The following LCP1 variants were observed in gnomAD, a reference collection of about 807,000 sequenced individuals.
The protein encoded by LCP1 is lymphocyte cytosolic protein 1, also known as plastin-2.
Under a neutral mutation model 72.0 loss-of-function variants are expected in LCP1, and 23 were observed. The observed-to-expected ratio is 0.32, with a 90% CI of 0.23 to 0.45. The LOEUF (loss-of-function observed/expected upper bound fraction) is 0.45, where lower values mean the gene tolerates loss of function less well. LCP1 is among the 20% of genes least tolerant of loss of function. The probability of loss-of-function intolerance (pLI) is 1.00; values close to 1 mark genes in which losing one functional copy is unlikely to be tolerated. For synonymous variants in LCP1, 245 were observed against 275.4 expected (o/e 0.89, Z 1.09); for missense variants, 571 against 748.3 (o/e 0.76, Z 2.76).
At chr13:46,174,191 T>C (rs1341741456) in intron 1 of LCP1, among the ~76,000 whole-genome samples, 3 of 152,244 alleles carry the variant, frequency 2.0e-5, no homozygotes, top group Non-Finnish European at 2.9e-5. Flanking sequence ...ATAGGCTTCT[T>C]GGATTTTAGA....
At chr13:46,161,457 AT>A (rs2138266452) in intron 1 of LCP1, among the ~76,000 whole-genome samples, 1 of 152,306 alleles carries the variant, frequency 6.6e-6, no homozygotes, top group African/African-American at 2.4e-5. Flanking sequence ...CGAGGGGTTA[AT>A]TGTATTAAAA....
At chr13:46,134,489 T>C (rs1434985579) in intron 13 of LCP1, among the ~76,000 whole-genome samples, 1 of 151,838 alleles carries the variant, frequency 6.6e-6, no homozygotes, top group East Asian at 1.9e-4. Flanking sequence ...CTAAGCATGA[T>C]CATTGCTCTG....
At chr13:46,179,247 A>C (rs571756695) in intron 1 of LCP1, among the ~76,000 whole-genome samples, 33 of 152,382 alleles carry the variant, frequency 2.2e-4, no homozygotes, top group Admixed American at 5.9e-4. Flanking sequence ...GGTAAAGCTG[A>C]AACATGGTAG....
Position 46,158,566 on chromosome 13 carries a change from C to T in LCP1, c.314G>A (p.Gly105Asp). The T allele has an allele frequency of 6.2e-7, 1 of 1,614,182 alleles. No homozygotes were observed. The highest frequency in any genetic ancestry group is 8.5e-7 in the Non-Finnish European group (1 of 1,180,014). ...GCCAACGCTAGACTGCTCTGAAGTA[C>T]CACCGATTGCACAAATCCCTTCCTT... is the stretch of plus-strand genomic sequence containing the variant. ...NKKEGICAIG[G>D]TSEQSSVGTQ... The change falls in exon 4 of 16, where the codon GGT (glycine) becomes GAT (aspartate). Residue 105 changes from glycine (G) to aspartate (D), a missense_variant. By Grantham distance (94) the Gly-to-Asp change is moderately conservative. Coordinates refer to ENST00000323076, the MANE Select transcript of LCP1 (RefSeq NM_002298.5).
At chr13:46,139,712 T>C (rs1164255220) in intron 13 of LCP1, among the ~76,000 whole-genome samples, 2 of 152,260 alleles carry the variant, frequency 1.3e-5, no homozygotes, top group Admixed American at 6.5e-5. Flanking sequence ...CCCAAGCTTA[T>C]GATTTTGTAC....
intron 12 of LCP1, 106 bp from the exon 13 acceptor site, chr13:46,142,531 C>T: frequency 1.6e-6 from 2 of 1,223,106 alleles, no homozygotes; most frequent in South Asian, 3.0e-5. Context: ...TATGGTAAGA[C>T]CGAATGACCT....
At chr13:46,178,546 A>G (rs1318742086) in intron 1 of LCP1, among the ~76,000 whole-genome samples, 2 of 152,204 alleles carry the variant, frequency 1.3e-5, no homozygotes, top group Admixed American at 1.3e-4. Context: ...CCTGTAGAAC[A>G]TTAACACTTT....
rs372830368 is a variant in LCP1, at chr13:46,142,300, T to A, written c.1494A>T (p.Leu498=). 8.1e-6 allele frequency: 13 copies of A among 1,613,574 alleles called. No homozygotes were observed. The highest frequency in any genetic ancestry group is 3.3e-4 in the Middle Eastern group (2 of 6,084). Reference sequence around the variant, plus strand: ...TCCATAAGCTATACTACCTTCTCATTAGCTGCCAAATCAAGGCCAGTGTGA... The same window carrying A: ...TCCATAAGCTATACTACCTTCTCATAAGCTGCCAAATCAAGGCCAGTGTGA... The part of the protein sequence containing the change: ...RTLTLALIWQ[L]MRRYTLNILE... Residue 498 remains leucine (L), a synonymous_variant, in exon 13 of 16, where the codon CTA becomes CTT. Transcript: ENST00000323076.
chr13:46,139,953 G>T (rs906223337), intron 13 of LCP1, among the ~76,000 whole-genome samples: 7 of 152,302 alleles, frequency 4.6e-5, no homozygotes, highest in South Asian at 2.1e-4. Context: ...AAACAATGTT[G>T]TTCAGACATC....
In LCP1 at chr13:46,151,125, GGGA is replaced by G. The variant is rs771130357; in HGVS notation, c.740-50_740-48del. On this transcript the variant is annotated intron_variant, in intron 7 of 15. Transcript: ENST00000323076. ...AGAAAAATAAATGCAGCGATGTTGG[GGGA>G]GGGGGGTTGGTTATAACTTTCATTA... 3.9e-5 allele frequency: 62 copies of G among 1,575,730 alleles called. No individual in the cohort carries two copies. The Admixed American group carries it at 1.1e-3, about 27-fold the overall frequency.
chr13:46,154,506 T>C (rs1219133300), intron 6 of LCP1, among the ~76,000 whole-genome samples: 1 of 152,232 alleles, frequency 6.6e-6, no homozygotes, highest in Non-Finnish European at 1.5e-5. Context: ...GCTGTTTATT[T>C]GGCATCAAAT....
Position 46,159,678 on chromosome 13 carries a change from G to A in LCP1, c.-16C>T, listed in dbSNP as rs2045825877. 6.2e-7 allele frequency: 1 copy of A among 1,604,528 alleles called. No individual in the cohort carries two copies. Among genetic ancestry groups the A allele is most frequent in the Non-Finnish European group, 8.5e-7 (1 of 1,171,382 alleles). ...CTCTGGCCATTTTTTATTGCTTTAG[G>A]TAACAGATCTGGAGAGAAGAAGAAC... is the stretch of plus-strand genomic sequence containing the variant. On this transcript the variant is annotated 5_prime_UTR_variant, in exon 2 of 16. Transcript: ENST00000323076.
rs2045743643 is a variant in LCP1, at chr13:46,148,414, C to A, written c.916G>T (p.Val306Leu). 1.2e-6 allele frequency: 2 copies of A among 1,612,744 alleles called. No homozygotes were observed. Among genetic ancestry groups the A allele is most frequent in the Non-Finnish European group, 1.7e-6 (2 of 1,179,770 alleles). ...SKAYYHLLEQ[V>L]APKGDEEGVP... The stretch of plus-strand genomic sequence containing the variant: ...CCTTCTTCATCTCCTTTTGGAGCCA[C>A]CTGCTCAAGCAGGTGGTAATAAGCT... The change falls in exon 9 of 16, where the codon GTG (valine) becomes TTG (leucine). Residue 306 changes from valine to leucine, a missense_variant. Coordinates refer to ENST00000323076, the MANE Select transcript of LCP1 (RefSeq NM_002298.5).
chr13:46,149,639 C>T (rs1459957770), intron 8 of LCP1, among the ~76,000 whole-genome samples: 2 of 152,180 alleles, frequency 1.3e-5, no homozygotes, highest in African/African-American at 4.8e-5. Flanking sequence ...GAGTCAGTTG[C>T]CATGCAGCGG....
chr13:46,176,902 T>TGTGTGA lies in LCP1; in HGVS notation c.-25+5208_-25+5209insTCACAC, dbSNP rs35450261. On this transcript the variant is annotated intron_variant, in intron 1 of 15. Coordinates refer to ENST00000323076, the MANE Select transcript of LCP1 (RefSeq NM_002298.5). ...GTGTGTGTGTGTGTGTGTGTGTGTGTGAGAGAGCGAGAGAGAGAGAGGGAG... is the reference window on the plus strand; with the variant it reads ...GTGTGTGTGTGTGTGTGTGTGTGTGTGTGTGAGAGAGAGCGAGAGAGAGAGAGGGAG... Among the ~76,000 whole-genome samples, 44 of 150,868 alleles carry TGTGTGA rather than the reference T, an allele frequency of 2.9e-4. 1 individual carries two copies. The highest frequency in any genetic ancestry group is 7.8e-4 in the East Asian group (4 of 5,102).
intron 15 of LCP1, among the ~76,000 whole-genome samples, 177 bp from the exon 16 acceptor site, chr13:46,127,900 A>G (rs1179787624): frequency 2.6e-5 from 4 of 152,164 alleles, no homozygotes; most frequent in Non-Finnish European, 5.9e-5. Flanking sequence ...TCAACCAAAG[A>G]TTCTGACAAA....
At chr13:46,154,550 A>C (rs1404688426) in intron 6 of LCP1, among the ~76,000 whole-genome samples, 1 of 152,216 alleles carries the variant, frequency 6.6e-6, no homozygotes, top group Non-Finnish European at 1.5e-5. Flanking sequence ...CTTGAGTTAA[A>C]ACTTTAGCCA....
At chr13:46,181,981 A>G (rs1394780887) in intron 1 of LCP1, 130 bp downstream of exon 1, 2 of 152,194 alleles carry the variant, frequency 1.3e-5, no homozygotes, top group Non-Finnish European at 2.9e-5. Context: ...CAGTGGCAGG[A>G]ATCACAGAGG....
chr13:46,173,599 A>G (rs1157736840), intron 1 of LCP1, among the ~76,000 whole-genome samples: 1 of 152,088 alleles, frequency 6.6e-6, no homozygotes, highest in Non-Finnish European at 1.5e-5. Context: ...TGTGTTGTAT[A>G]CTATGTGTTT....
Sources: allele counts gnomAD v4.1 joint callset (sites outside exome capture counted in the v4.1 genomes callset), GRCh38; gene constraint gnomAD v4.1.1; transcripts MANE v1.5; gene names NCBI Gene and HGNC (gene_info 2026-07-23, HGNC 2026-07-21).